Variants in REPS2 observed in about 807,000 individuals in gnomAD.
The protein encoded by REPS2 is ralBP1-associated Eps domain-containing protein 2.
Under a neutral mutation model 53.6 loss-of-function variants are expected in REPS2, and 23 were observed. The ratio of observed to expected loss-of-function variants is 0.43; its 90% confidence interval spans 0.31 to 0.61. The LOEUF is 0.61. Among genes scored for constraint, REPS2 ranks in the 20% least tolerant of loss-of-function variants. The probability of loss-of-function intolerance (pLI) is 0.11; values close to 1 mark genes in which losing one functional copy is unlikely to be tolerated. For synonymous variants in REPS2, 238 were observed against 218.6 expected, an observed-to-expected ratio of 1.09 and a Z score of -0.78; for missense variants, 446 against 534.9, an observed-to-expected ratio of 0.83 and a Z score of 1.64.
chrX:17,044,664 G>A, intron 5 of REPS2, among the ~76,000 whole-genome samples: 1 of 111,659 alleles, frequency 9.0e-6, no homozygotes, highest in East Asian at 2.8e-4. Flanking sequence ...TGGCTTTTAG[G>A]TTCCTTTGCT....
intron 5 of REPS2, among the ~76,000 whole-genome samples, chrX:17,040,619 C>T (rs2061819001): frequency 8.9e-6 from 1 of 112,192 alleles, no homozygotes. Context: ...AATTGCTAAG[C>T]TCTGTCTCCT....
At chrX:17,053,845 G>C (rs761433398) in intron 7 of REPS2, among the ~76,000 whole-genome samples, 2 of 112,009 alleles carry the variant, frequency 1.8e-5, no homozygotes, top group East Asian at 5.6e-4. Flanking sequence ...CTGGGGAACA[G>C]CTATTTCAGG....
chrX:17,186,876 A>G, the REPS2 span, among the ~76,000 whole-genome samples: 2 of 110,813 alleles, frequency 1.8e-5, no homozygotes, highest in Admixed American at 1.9e-4. Context: ...CAAGTACCTA[A>G]GACACATTAA....
intron 5 of REPS2, among the ~76,000 whole-genome samples, chrX:17,040,264 A>G (rs2061814514): frequency 8.9e-6 from 1 of 112,758 alleles, no homozygotes; most frequent in African/African-American, 3.2e-5. Context: ...CTTCAGAGGT[A>G]AGGGAGAGGG....
At chrX:16,987,477 A>G (rs948527890) in intron 1 of REPS2, among the ~76,000 whole-genome samples, 3 of 112,511 alleles carry the variant, frequency 2.7e-5, no homozygotes, top group Non-Finnish European at 5.6e-5. Flanking sequence ...CTTTAACTCC[A>G]CTTATCCCTC....
chrX:17,155,922 A>G (rs767979631), downstream of REPS2, among the ~76,000 whole-genome samples: 1 of 111,781 alleles, frequency 8.9e-6, no homozygotes, highest in South Asian at 3.8e-4. Context: ...CTCCCTTTTT[A>G]TCAAGAAGTC....
At chrX:17,036,200 C>T (rs1163742501) in intron 5 of REPS2, among the ~76,000 whole-genome samples, 2 of 111,954 alleles carry the variant, frequency 1.8e-5, no homozygotes, top group Non-Finnish European at 3.8e-5. Flanking sequence ...ATGTACTTGC[C>T]AACAATATAT....
chrX:17,141,280 C>T (rs1304385827), intron 17 of REPS2, among the ~76,000 whole-genome samples: 4 of 111,887 alleles, frequency 3.6e-5, no homozygotes, highest in Admixed American at 9.5e-5. Context: ...TTTATATAAG[C>T]GGTGTCTTAC....
downstream of REPS2, among the ~76,000 whole-genome samples, chrX:17,155,515 A>G (rs1410161673): frequency 9.9e-5 from 11 of 111,654 alleles, no homozygotes; most frequent in African/African-American, 3.6e-4. Flanking sequence ...GAAGGACGCA[A>G]AGGTAGGGCA....
chrX:17,131,620 G>A (rs1302204106), intron 14 of REPS2, among the ~76,000 whole-genome samples: 2 of 111,888 alleles, frequency 1.8e-5, no homozygotes, highest in African/African-American at 6.5e-5. Context: ...TGAATGTTTT[G>A]GCATCACTGG....
At chrX:17,026,682 A>G (rs2061649714) in intron 4 of REPS2, among the ~76,000 whole-genome samples, 1 of 111,378 alleles carries the variant, frequency 9.0e-6, no homozygotes, top group Non-Finnish European at 1.9e-5. Context: ...GCTTCTCTCC[A>G]TCTTTCTTGA....
Position 16,965,980 on chromosome X carries a change from C to T in REPS2, c.273+18846C>T, listed in dbSNP as rs898053679. 3.6e-5 allele frequency among the ~76,000 whole-genome samples: 4 copies of T among 112,473 alleles called. 1 individual carries two copies. Among genetic ancestry groups the T allele is most frequent in the Non-Finnish European group, 5.6e-5 (3 of 53,209 alleles). On this transcript the variant is annotated intron_variant, in intron 1 of 17. Transcript: ENST00000357277. ...CGAAAACCAGTCAGGCGTGGCGGCGCGCGCCTGCAATTGCAGGCACTCGGC... is the reference window on the plus strand; with the variant it reads ...CGAAAACCAGTCAGGCGTGGCGGCGTGCGCCTGCAATTGCAGGCACTCGGC...
At chrX:17,034,962 G>A (rs1291869786) in intron 5 of REPS2, among the ~76,000 whole-genome samples, 1 of 110,756 alleles carries the variant, frequency 9.0e-6, no homozygotes. Context: ...ATTTAACTTA[G>A]TTATCTCCTT....
At chrX:17,024,956 C>A (rs2061623894) in intron 3 of REPS2, 103 bp from the exon 4 acceptor site, 2 of 1,109,598 alleles carry the variant, frequency 1.8e-6, no homozygotes, top group Non-Finnish European at 1.2e-6. Context: ...ATTTGTTAAA[C>A]CAGCTGGGTC....
At chrX:17,178,823 C>T in the REPS2 span, among the ~76,000 whole-genome samples, 75 of 109,015 alleles carry the variant, frequency 6.9e-4, no homozygotes, top group African/African-American at 2.3e-3. Context: ...TTGCTTGAAC[C>T]TGGGAGGTGG....
In REPS2 at chrX:16,946,729, G is replaced by GGGTGGTGGTGGTGGCGGCGGC. The variant is rs1407996395; in HGVS notation, c.-122_-121insTGGCGGCGGCGGTGGTGGTGG. The GGGTGGTGGTGGTGGCGGCGGC allele has an allele frequency of 4.5e-6, 3 of 668,597 alleles. No homozygotes were observed. In the African/African-American group the frequency reaches 8.6e-5, roughly 19 times the overall value. The allele number at this position is 668,597 out of a possible 1,213,427, so 55.1% of individuals were successfully genotyped here. ...GCCGCGCGGCAGCTGCGGGGCGTGG[G>GGGTGGTGGTGGTGGCGGCGGC]GGTGGTGGTGGCGGCGGCGGTGGTG... On this transcript the variant is annotated 5_prime_UTR_variant, in exon 1 of 18. Coordinates refer to ENST00000357277, the MANE Select transcript of REPS2 (RefSeq NM_004726.3).
chrX:17,169,874 T>A, the REPS2 span, among the ~76,000 whole-genome samples: 1 of 111,301 alleles, frequency 9.0e-6, no homozygotes, highest in Non-Finnish European at 1.9e-5. Context: ...TGTGTAACCT[T>A]CAGGCTGAGA....
At chrX:17,143,574 T>G (rs2063474991) in intron 17 of REPS2, among the ~76,000 whole-genome samples, 1 of 108,709 alleles carries the variant, frequency 9.2e-6, no homozygotes, top group African/African-American at 3.4e-5. Context: ...TTACTGATAT[T>G]CAGACATTGG....
chrX:17,139,569 G>A (rs964932855), intron 17 of REPS2, among the ~76,000 whole-genome samples: 9 of 111,196 alleles, frequency 8.1e-5, no homozygotes, highest in Admixed American at 1.9e-4. Context: ...TACAAATGTG[G>A]TGGCTTAAGA....
Sources: allele counts gnomAD v4.1 joint callset (sites outside exome capture counted in the v4.1 genomes callset), GRCh38; gene constraint gnomAD v4.1.1; transcripts MANE v1.5; gene names NCBI Gene and HGNC (gene_info 2026-07-23, HGNC 2026-07-21).